PCDH15: variants seen among roughly 807,000 people sequenced by gnomAD.
PCDH15 encodes protocadherin-15.
Under a neutral mutation model 178.5 loss-of-function variants are expected in PCDH15, and 129 were observed. The ratio of observed to expected loss-of-function variants is 0.72; its 90% CI spans 0.63 to 0.84. PCDH15 has a LOEUF of 0.84. PCDH15 is among the 40% of genes least tolerant of loss of function. The pLI is 0.00. For missense variants in PCDH15, 2,230 were observed against 2,099.9 expected (o/e 1.06, Z -1.21); for synonymous variants, 800 against 732.0 (o/e 1.09, Z -1.50).
At chr10:55,123,665 G>C (rs545204120) in intron 2 of PCDH15, among the ~76,000 whole-genome samples, 2 of 152,086 alleles carry the variant, frequency 1.3e-5, no homozygotes, top group African/African-American at 4.8e-5. Flanking sequence ...CCAGTCAAAG[G>C]TGCATTATTT....
chr10:54,755,090 A>C (rs534267506), intron 1 of PCDH15, among the ~76,000 whole-genome samples: 2 of 151,356 alleles, frequency 1.3e-5, no homozygotes, highest in African/African-American at 4.8e-5. Context: ...TTGCCATCAC[A>C]CCTGGCTTAT....
In PCDH15 at chr10:55,467,435, A is replaced by G. The variant is rs902871436; in HGVS notation, c.-156+160190T>C. Among the ~76,000 whole-genome samples the G allele has an allele frequency of 2.1e-5, 3 of 142,640 alleles. No homozygotes were observed. The Admixed American group carries it at 2.1e-4, about 10-fold the overall frequency. The allele number at this position is 142,640 out of a possible 152,430, so 93.6% of individuals were successfully genotyped here. ...TGGTTGGAGATTTATTCTTTTAATG[A>G]TTAATTTGAGACCAAAATATCTACA... On this transcript the variant is annotated intron_variant, in intron 2 of 5. Coordinates refer to the PCDH15 transcript ENST00000613346.
chr10:55,149,841 T>C (rs772432501), intron 2 of PCDH15, among the ~76,000 whole-genome samples: 2 of 152,202 alleles, frequency 1.3e-5, no homozygotes, highest in African/African-American at 4.8e-5. Context: ...AAATACATCA[T>C]GTTCTTAATG....
intron 3 of PCDH15, among the ~76,000 whole-genome samples, chr10:54,465,591 A>C (rs2077464896): frequency 1.3e-5 from 2 of 152,062 alleles, no homozygotes; most frequent in African/African-American, 4.8e-5. Context: ...TTTATGGCTG[A>C]ATAGTTTTTC....
At chr10:53,867,683 CA>C (rs975732304) in intron 26 of PCDH15, among the ~76,000 whole-genome samples, 32 of 151,924 alleles carry the variant, frequency 2.1e-4, no homozygotes, top group African/African-American at 7.7e-4. Context: ...CTGTAATAGG[CA>C]TACAGTGTGA....
chr10:54,731,563 T>TATACACACAC, intron 1 of PCDH15, among the ~76,000 whole-genome samples: 3 of 49,924 alleles, frequency 6.0e-5, no homozygotes, highest in African/African-American at 1.9e-4. Flanking sequence ...TATATATATA[T>TATACACACAC]ACACACACAC....
chr10:53,879,472 T>C (rs961706448), intron 26 of PCDH15, among the ~76,000 whole-genome samples: 1 of 152,128 alleles, frequency 6.6e-6, no homozygotes. Context: ...AGGAATAATA[T>C]AGAAGTTTGG....
intron 2 of PCDH15, among the ~76,000 whole-genome samples, chr10:55,414,770 GGTGTGTGTGTGT>G (rs71014486): frequency 3.0e-4 from 44 of 146,968 alleles, no homozygotes; most frequent in Admixed American, 8.2e-4. Flanking sequence ...TCTAACAAGG[GGTGTGTGTGTGT>G]GTGTGTGTGT....
chr10:54,000,742 A>G (rs909067557), intron 20 of PCDH15, among the ~76,000 whole-genome samples: 1 of 152,090 alleles, frequency 6.6e-6, no homozygotes, highest in Non-Finnish European at 1.5e-5. Context: ...TAAAGAGGAG[A>G]CAGACAAAGA....
intron 2 of PCDH15, among the ~76,000 whole-genome samples, chr10:55,378,611 AC>A (rs1402352998): frequency 1.3e-5 from 2 of 152,150 alleles, no homozygotes; most frequent in African/African-American, 4.8e-5. Context: ...TAGAAAGTAA[AC>A]AAAAAAATTC....
intron 2 of PCDH15, among the ~76,000 whole-genome samples, chr10:54,966,691 T>A (rs1838801176): frequency 6.6e-6 from 1 of 152,094 alleles, no homozygotes; most frequent in African/African-American, 2.4e-5. Flanking sequence ...TGGTAGTGAA[T>A]AAGTCTCATG....
intron 6 of PCDH15, among the ~76,000 whole-genome samples, chr10:54,330,842 C>T (rs1939371022): frequency 1.3e-5 from 2 of 151,876 alleles, no homozygotes; most frequent in Admixed American, 1.3e-4. Context: ...CTAGTAGGCT[C>T]AATAACTCAG....
chr10:54,196,256 C>A (rs2049633688), intron 10 of PCDH15, among the ~76,000 whole-genome samples: 1 of 152,136 alleles, frequency 6.6e-6, no homozygotes, highest in South Asian at 2.1e-4. Context: ...CATTCTCCTG[C>A]CTCAGCCTCC....
At chr10:54,512,627 T>G (rs1189802720) in intron 3 of PCDH15, among the ~76,000 whole-genome samples, 1 of 152,112 alleles carries the variant, frequency 6.6e-6, no homozygotes, top group African/African-American at 2.4e-5. Flanking sequence ...TCACATAACA[T>G]ATTGATGTTT....
chr10:53,974,647 A>G (rs543576016), intron 21 of PCDH15, among the ~76,000 whole-genome samples: 4 of 152,266 alleles, frequency 2.6e-5, no homozygotes, highest in African/African-American at 9.6e-5. Flanking sequence ...GGGTTATAGA[A>G]TATCATATTC....
chr10:55,168,366 A>G (rs1433624126), intron 1 of PCDH15, among the ~76,000 whole-genome samples: 1 of 152,214 alleles, frequency 6.6e-6, no homozygotes, highest in Non-Finnish European at 1.5e-5. Context: ...AATGAAAGCT[A>G]TAAAATGGAT....
At chr10:54,697,385 A>G (rs2095243639) in intron 1 of PCDH15, among the ~76,000 whole-genome samples, 1 of 151,848 alleles carries the variant, frequency 6.6e-6, no homozygotes, top group Non-Finnish European at 1.5e-5. Flanking sequence ...ATAAATTTAA[A>G]TCTTCATGTT....
intron 2 of PCDH15, among the ~76,000 whole-genome samples, chr10:55,492,494 A>G (rs1476973942): frequency 6.6e-6 from 1 of 151,774 alleles, no homozygotes; most frequent in Non-Finnish European, 1.5e-5. Context: ...GCTACACAAC[A>G]CAGGGTAAAC....
chr10:55,038,362 G>T (rs1840786236), intron 2 of PCDH15, among the ~76,000 whole-genome samples: 1 of 152,092 alleles, frequency 6.6e-6, no homozygotes, highest in African/African-American at 2.4e-5. Context: ...GCAAATAGAA[G>T]TAAAATCTTA....
Sources: gnomAD v4.1 joint callset for allele counts (sites outside exome capture counted in the v4.1 genomes callset) on GRCh38, gnomAD v4.1.1 for gene constraint, MANE v1.5 for transcripts, NCBI Gene and HGNC (gene_info 2026-07-23, HGNC 2026-07-21) for gene names.